Variants in MIA2 observed in about 807,000 individuals in gnomAD.
MIA2 encodes the protein MIA SH3 domain ER export factor 2.
A neutral mutation model predicts 167.8 loss-of-function variants in MIA2; 127 were observed. The observed-to-expected ratio is 0.76, with a 90% CI of 0.66 to 0.88. MIA2 has a LOEUF of 0.88. Among genes scored for constraint, MIA2 ranks in the 40% least tolerant of loss-of-function variants. MIA2 has a pLI of 0.00. For missense variants in MIA2, 1,690 were observed against 1,624.7 expected (o/e 1.04, Z -0.69); for synonymous variants, 552 against 541.9 (o/e 1.02, Z -0.26).
chr14:39,322,430 A>G (rs1452345712), intron 24 of MIA2, among the ~76,000 whole-genome samples: 1 of 151,874 alleles, frequency 6.6e-6, no homozygotes, highest in Non-Finnish European at 1.5e-5. Flanking sequence ...AGTCCCAGCT[A>G]CTTGGGAGGC....
chr14:39,309,597 C>T (rs530586615), intron 18 of MIA2, among the ~76,000 whole-genome samples: 6 of 152,294 alleles, frequency 3.9e-5, no homozygotes, highest in Admixed American at 3.3e-4. Context: ...CCTGGCTACT[C>T]TAACTAAAAT....
At chr14:39,302,707 G>T (rs1253691809) in intron 15 of MIA2, among the ~76,000 whole-genome samples, 1 of 152,144 alleles carries the variant, frequency 6.6e-6, no homozygotes, top group East Asian at 1.9e-4. Context: ...TATTGCCATT[G>T]ATGGTTGTGC....
intron 15 of MIA2, among the ~76,000 whole-genome samples, chr14:39,302,686 A>G (rs1191130543): frequency 6.6e-6 from 1 of 152,160 alleles, no homozygotes; most frequent in Non-Finnish European, 1.5e-5. Context: ...AATGTTAGCC[A>G]TTCAAATTAT....
At chr14:39,263,039 CT>C (rs2055202990) in intron 6 of MIA2, among the ~76,000 whole-genome samples, 1 of 152,218 alleles carries the variant, frequency 6.6e-6, no homozygotes, top group African/African-American at 2.4e-5. Flanking sequence ...CTAGCCAGAA[CT>C]TCGAACACTG....
chr14:39,339,702 G>T (rs927955771), intron 25 of MIA2, among the ~76,000 whole-genome samples: 6 of 152,134 alleles, frequency 3.9e-5, no homozygotes, highest in African/African-American at 1.4e-4. Flanking sequence ...TGTAATAATA[G>T]AAATGTTTTA....
chr14:39,261,712 G>T (rs1306590167), intron 6 of MIA2, among the ~76,000 whole-genome samples: 1 of 152,088 alleles, frequency 6.6e-6, no homozygotes, highest in East Asian at 1.9e-4. Flanking sequence ...TCTCATTGTG[G>T]TTTTGATTTG....
intron 25 of MIA2, among the ~76,000 whole-genome samples, chr14:39,343,024 C>T (rs769437167): frequency 7.6e-4 from 116 of 152,242 alleles, no homozygotes; most frequent in Non-Finnish European, 1.2e-3. Context: ...TAGAGTGTCT[C>T]CAATATCTCA....
At chr14:39,295,284 C>T (rs1049247147) in intron 13 of MIA2, among the ~76,000 whole-genome samples, 2 of 152,142 alleles carry the variant, frequency 1.3e-5, no homozygotes, top group Non-Finnish European at 2.9e-5. Context: ...TAACCAACTT[C>T]TTAAAGCCAT....
intron 6 of MIA2, chr14:39,266,906 C>T: frequency 4.4e-6 from 3 of 681,358 alleles, no homozygotes; most frequent in Non-Finnish European, 5.4e-6. Context: ...CCGCGGCCGC[C>T]CGAGGCGGGT....
At chr14:39,283,004 A>ATT in intron 9 of MIA2, among the ~76,000 whole-genome samples, 1 of 152,150 alleles carries the variant, frequency 6.6e-6, no homozygotes, top group Non-Finnish European at 1.5e-5. Context: ...TTTTCTTTCT[A>ATT]TATCTGGCTT....
chr14:39,359,910 T>C (rs906715065), intron 23 of MIA2, among the ~76,000 whole-genome samples: 1 of 152,092 alleles, frequency 6.6e-6, no homozygotes. Flanking sequence ...ATCTCCATAC[T>C]CTTTGCCATA....
intron 25 of MIA2, among the ~76,000 whole-genome samples, chr14:39,341,239 T>C (rs2071758665): frequency 6.6e-6 from 1 of 151,878 alleles, no homozygotes; most frequent in Non-Finnish European, 1.5e-5. Context: ...GAGGGAGAGC[T>C]TACAGTGAGC....
intron 18 of MIA2, among the ~76,000 whole-genome samples, chr14:39,309,876 G>T (rs2063927580): frequency 6.6e-6 from 1 of 151,792 alleles, no homozygotes; most frequent in Non-Finnish European, 1.5e-5. Context: ...TTGCCTAAAT[G>T]CCTAAGTACA....
At chr14:39,235,109 C>T (rs1337387030) in intron 1 of MIA2, among the ~76,000 whole-genome samples, 2 of 151,724 alleles carry the variant, frequency 1.3e-5, no homozygotes, top group South Asian at 2.1e-4. Flanking sequence ...GATCTCGGCT[C>T]ACTGCAACTT....
At chr14:39,299,804 T>C (rs2062102181) in intron 13 of MIA2, 60 bp from the exon 14 acceptor site, 1 of 1,537,894 alleles carries the variant, frequency 6.5e-7, no homozygotes, top group Non-Finnish European at 8.7e-7. Context: ...AATGCCTTCT[T>C]GGTATCTTTT....
chr14:39,271,091 T>C (rs2057059059), intron 6 of MIA2, among the ~76,000 whole-genome samples: 2 of 152,254 alleles, frequency 1.3e-5, no homozygotes, highest in African/African-American at 2.4e-5. Flanking sequence ...GTTTTAGCTC[T>C]TACGGGAAGT....
At chr14:39,304,573 T>G (rs183120029) in intron 17 of MIA2, among the ~76,000 whole-genome samples, 192 bp downstream of exon 17, 54 of 152,310 alleles carry the variant, frequency 3.5e-4, no homozygotes, top group African/African-American at 1.2e-3. Flanking sequence ...CATATCGATT[T>G]CCTCTGTATT....
chr14:39,359,349 G>A (rs72675455), intron 23 of MIA2, among the ~76,000 whole-genome samples: 6,085 of 152,306 alleles, frequency 0.04, 162 homozygotes, highest in Non-Finnish European at 0.06. Context: ...GACCCTTTGA[G>A]CCAGGCGTGG....
At position 39,311,463 on chromosome 14, in the gene MIA2, TTGC is replaced by T. The variant is rs1240988737; in HGVS notation, c.3018-1875_3018-1873del. On this transcript the variant is annotated intron_variant, in intron 18 of 28. Coordinates refer to ENST00000640607, the MANE Select transcript of MIA2 (RefSeq NM_001329214.4). Reference sequence around the variant, plus strand: ...TGGTAGGACCTAGAAGCTTGATGTGTTGCTTTTTTTTTTTTTTTTTTTTTTTTT... The same window carrying T: ...TGGTAGGACCTAGAAGCTTGATGTGTTTTTTTTTTTTTTTTTTTTTTTTTT... Among the ~76,000 whole-genome samples the T allele has an allele frequency of 6.5e-4, 51 of 78,370 alleles. 3 individuals carry two copies. Among genetic ancestry groups the T allele is most frequent in the Middle Eastern group, 6.6e-3 (1 of 152 alleles). The allele number at this position is 78,370 out of a possible 152,430, so 51.4% of individuals were successfully genotyped here. A position where few individuals can be genotyped will look rare whatever the true frequency, so the allele number is the denominator to read the frequency against.
Sources: gnomAD v4.1 joint callset for allele counts (sites outside exome capture counted in the v4.1 genomes callset) on GRCh38, gnomAD v4.1.1 for gene constraint, MANE v1.5 for transcripts, NCBI Gene and HGNC (gene_info 2026-07-23, HGNC 2026-07-21) for gene names.